Variants in GNAI1 observed in about 807,000 individuals in gnomAD.
GNAI1 encodes the protein G protein subunit alpha i1, also known as guanine nucleotide-binding protein G(i) subunit alpha-1.
Under a neutral mutation model 38.9 loss-of-function variants are expected in GNAI1, and 11 were observed. The observed-to-expected ratio is 0.28, with a 90% CI of 0.18 to 0.47. GNAI1 has a LOEUF of 0.47. Among genes scored for constraint, GNAI1 ranks in the 20% least tolerant of loss-of-function variants. The pLI, the probability that GNAI1 is intolerant of heterozygous loss-of-function variation, is 0.99. For synonymous variants in GNAI1, 166 were observed against 145.1 expected, an observed-to-expected ratio of 1.14 and a Z score of -1.04; for missense variants, 317 against 436.9, an observed-to-expected ratio of 0.73 and a Z score of 2.45.
intron 3 of GNAI1, among the ~76,000 whole-genome samples, chr7:80,191,605 T>C (rs1428555394): frequency 6.6e-6 from 1 of 152,158 alleles, no homozygotes; most frequent in Non-Finnish European, 1.5e-5. Context: ...TTGGCTAGAC[T>C]GGTCTCGAGC....
In GNAI1 at chr7:80,222,440, C is replaced by T. The variant is rs141278108; in HGVS notation, c.*4947C>T. 5.5e-3 allele frequency among the ~76,000 whole-genome samples: 783 copies of T among 142,128 alleles called. 3 individuals carry two copies. The highest frequency in any genetic ancestry group is 8.7e-3 in the Non-Finnish European group (576 of 66,564). The allele number at this position is 142,128 out of a possible 152,430, so 93.2% of individuals were successfully genotyped here. A position where few individuals can be genotyped will look rare whatever the true frequency, so the allele number is the denominator to read the frequency against. On this transcript the variant is annotated 3_prime_UTR_variant, in exon 8 of 8. Transcript: ENST00000649796. ...TTCGTTCTTGTTTCCCAGGCTGGAGCGCAATGGTGCGATCTCGGCTCACCG... is the reference window on the plus strand; with the variant it reads ...TTCGTTCTTGTTTCCCAGGCTGGAGTGCAATGGTGCGATCTCGGCTCACCG...
Position 80,145,507 on chromosome 7 carries a change from A to G in GNAI1, c.118+10229A>G, listed in dbSNP as rs1787603907. Among the ~76,000 whole-genome samples the G allele has an allele frequency of 3.9e-5, 6 of 152,058 alleles. 1 individual carries two copies. In the South Asian group the frequency reaches 1.2e-3, roughly 32 times the overall value. On this transcript the variant is annotated intron_variant, in intron 1 of 7. Transcript: ENST00000649796. ...TTACACATTTTCTAGGTTCATTTTT[A>G]TCCAGTTGGTAATAACTAATCTACC...
rs1433361580 is a variant in GNAI1, at chr7:80,221,147, G to C, written c.*3654G>C. ...AGTGATGGTGAAAATCCTAGGCTCTGGCACCCCGTCTGGCTTCAAATCCTG... is the reference window on the plus strand; with the variant it reads ...AGTGATGGTGAAAATCCTAGGCTCTCGCACCCCGTCTGGCTTCAAATCCTG... On this transcript the variant is annotated 3_prime_UTR_variant, in exon 8 of 8. Transcript: ENST00000649796. Among the ~76,000 whole-genome samples, 5 of 152,148 alleles carry C rather than the reference G, an allele frequency of 3.3e-5. No individual in the cohort carries two copies. Among genetic ancestry groups the C allele is most frequent in the Non-Finnish European group, 7.3e-5 (5 of 68,034 alleles).
At chr7:80,211,320 A>G (rs1788869147) in intron 6 of GNAI1, among the ~76,000 whole-genome samples, 1 of 152,122 alleles carries the variant, frequency 6.6e-6, no homozygotes, top group African/African-American at 2.4e-5. Context: ...TTAACTATGC[A>G]TTTCTGTATC....
intron 1 of GNAI1, among the ~76,000 whole-genome samples, chr7:80,182,491 ATTC>A (rs2115606965): frequency 6.6e-6 from 1 of 152,156 alleles, no homozygotes; most frequent in South Asian, 2.1e-4. Flanking sequence ...TCATTATTAA[ATTC>A]TTCTTATATT....
rs1789106136 is a variant in GNAI1 at position 80,223,048 on chromosome 7, AAAAC to A, written c.*5557_*5560del. On this transcript the variant is annotated 3_prime_UTR_variant, in exon 8 of 8. Coordinates refer to ENST00000649796, the MANE Select transcript of GNAI1 (RefSeq NM_002069.6). ...TTCTTGGATACTGTACTGAAAATGA[AAAAC>A]AGATTGATTGCATGGGTACTTGAAA... is the stretch of plus-strand genomic sequence containing the variant. Among the ~76,000 whole-genome samples the A allele has an allele frequency of 1.3e-5, 2 of 152,334 alleles. No individual in the cohort carries two copies. Among genetic ancestry groups the A allele is most frequent in the African/African-American group, 2.4e-5 (1 of 41,572 alleles).
chr7:80,155,025 C>A (rs1172180338), intron 1 of GNAI1, among the ~76,000 whole-genome samples: 1 of 151,962 alleles, frequency 6.6e-6, no homozygotes, highest in African/African-American at 2.4e-5. Flanking sequence ...TAAAATAATA[C>A]ATTGCTTATT....
At chr7:80,209,214 T>A (rs1757259981) in intron 5 of GNAI1, among the ~76,000 whole-genome samples, 1 of 152,146 alleles carries the variant, frequency 6.6e-6, no homozygotes, top group South Asian at 2.1e-4. Flanking sequence ...AGCACCTCAT[T>A]CTCTGCACTA....
At position 80,222,460 on chromosome 7, in the gene GNAI1, T is replaced by C. The variant is rs1789096754; in HGVS notation, c.*4967T>C. On this transcript the variant is annotated 3_prime_UTR_variant, in exon 8 of 8. Coordinates refer to ENST00000649796, the MANE Select transcript of GNAI1 (RefSeq NM_002069.6). ...TGGAGCGCAATGGTGCGATCTCGGC[T>C]CACCGCAACATCCGCCTCCCGGGTA... is the stretch of plus-strand genomic sequence containing the variant. Among the ~76,000 whole-genome samples the C allele has an allele frequency of 6.7e-6, 1 of 149,174 alleles. No homozygotes were observed. Among genetic ancestry groups the C allele is most frequent in the Non-Finnish European group, 1.5e-5 (1 of 67,580 alleles).
chr7:80,179,151 A>G (rs1292098452), intron 1 of GNAI1, among the ~76,000 whole-genome samples: 7 of 152,198 alleles, frequency 4.6e-5, no homozygotes, highest in Non-Finnish European at 7.3e-5. Context: ...AAAATAGTGT[A>G]TTCCTTTTTA....
chr7:80,157,972 G>A (rs1383807062), intron 1 of GNAI1, among the ~76,000 whole-genome samples: 1 of 152,246 alleles, frequency 6.6e-6, no homozygotes, highest in Non-Finnish European at 1.5e-5. Context: ...GCCTCCCAAA[G>A]TGCTGGGATT....
Position 80,200,324 on chromosome 7 carries a change from C to CAAAAAAAAAAAAAAAAAAAAAAAAAA in GNAI1, c.461+965_461+966insAAAAAAAAAAAAAAAAAAAAAAAAAA, listed in dbSNP as rs59511755. On this transcript the variant is annotated intron_variant, in intron 4 of 7. Transcript: ENST00000649796. ...CTGGAGATGGAGTGAGGCCATGTCTCAAAAAAAAAAAAAAAAAAAAAAACC... is the reference window on the plus strand; with the variant it reads ...CTGGAGATGGAGTGAGGCCATGTCTCAAAAAAAAAAAAAAAAAAAAAAAAAAAAAAAAAAAAAAAAAAAAAAAAACC... Among the ~76,000 whole-genome samples the CAAAAAAAAAAAAAAAAAAAAAAAAAA allele has an allele frequency of 5.0e-5, 2 of 40,372 alleles. 1 individual carries two copies. The highest frequency in any genetic ancestry group is 3.3e-4 in the African/African-American group (2 of 6,042). 26.5% of individuals were successfully genotyped at this position (40,372 alleles called of 152,430 possible).
chr7:80,171,745 T>G (rs1788102170), intron 1 of GNAI1, among the ~76,000 whole-genome samples: 2 of 152,190 alleles, frequency 1.3e-5, no homozygotes, highest in African/African-American at 4.8e-5. Flanking sequence ...AATTTCAGTG[T>G]CTTAGTTACA....
At chr7:80,215,626 A>G (rs1448374208) in intron 7 of GNAI1, among the ~76,000 whole-genome samples, 2 of 152,172 alleles carry the variant, frequency 1.3e-5, no homozygotes, top group Non-Finnish European at 2.9e-5. Context: ...TAAAAGGAGT[A>G]TGAGGCTTGT....
rs1193344371 is a variant in GNAI1, at chr7:80,189,172, A to G, written c.244A>G (p.Ile82Val). The G allele has an allele frequency of 1.2e-6, 2 of 1,606,670 alleles. No homozygotes were observed. The highest frequency in any genetic ancestry group is 1.7e-5 in the Admixed American group (1 of 57,624). Residue 82 changes from isoleucine (I) to valine (V), a missense_variant, in exon 3 of 8, where the codon ATT becomes GTT. Physicochemically the swap from Ile to Val is conservative, Grantham distance 29. This residue lies in a region of GNAI1 where 67 missense variants were observed against 61.5 expected (regional missense o/e 1.09). Coordinates refer to ENST00000649796, the MANE Select transcript of GNAI1 (RefSeq NM_002069.6). Reference sequence around the variant, plus strand: ...CTACAGTAACACCATCCAGTCAATTATTGCTATCATTAGGGCTATGGGGAG... The same window carrying G: ...CTACAGTAACACCATCCAGTCAATTGTTGCTATCATTAGGGCTATGGGGAG... ...VVYSNTIQSI[I>V]AIIRAMGRLK...
intron 3 of GNAI1, among the ~76,000 whole-genome samples, chr7:80,194,298 C>T (rs1165258421): frequency 6.6e-6 from 1 of 152,004 alleles, no homozygotes; most frequent in Non-Finnish European, 1.5e-5. Flanking sequence ...GTGGCTTGTG[C>T]ACTTTATTCA....
chr7:80,177,290 A>C (rs1380591697), intron 1 of GNAI1, among the ~76,000 whole-genome samples: 1 of 151,990 alleles, frequency 6.6e-6, no homozygotes, highest in Non-Finnish European at 1.5e-5. Context: ...TCAGCCTCCC[A>C]AAGTGCTGGG....
At chr7:80,197,732 G>A (rs1342033040) in intron 3 of GNAI1, among the ~76,000 whole-genome samples, 1 of 151,998 alleles carries the variant, frequency 6.6e-6, no homozygotes, top group African/African-American at 2.4e-5. Flanking sequence ...TGCTAAAAAG[G>A]GAAGCATATG....
At position 80,224,149 on chromosome 7, in the gene GNAI1, T is replaced by TA. The variant is rs1251806530; in HGVS notation, c.*6657dup. ...AACTCCTCCATTATTTAAAATATGT[T>TA]AGAGATACATAAATATATAGAGAAA... On this transcript the variant is annotated 3_prime_UTR_variant, in exon 8 of 8. Transcript: ENST00000649796. Among the ~76,000 whole-genome samples the TA allele has an allele frequency of 3.9e-5, 6 of 152,170 alleles. No individual in the cohort carries two copies. Among genetic ancestry groups the TA allele is most frequent in the Admixed American group, 2.0e-4 (3 of 15,258 alleles).
Sources: allele counts gnomAD v4.1 joint callset (sites outside exome capture counted in the v4.1 genomes callset), GRCh38; gene constraint gnomAD v4.1.1; regional missense constraint gnomAD v4.1.1; transcripts MANE v1.5; gene names NCBI Gene and HGNC (gene_info 2026-07-23, HGNC 2026-07-21).